Variants in SPPL3 observed in about 807,000 individuals in gnomAD.
SPPL3 encodes signal peptide peptidase-like 3.
SPPL3 carries 5 observed loss-of-function variants against 42.4 expected under a neutral mutation model. The ratio of observed to expected loss-of-function variants is 0.12; its 90% CI spans 0.06 to 0.25. The LOEUF is 0.25. SPPL3 is among the 10% of genes least tolerant of loss of function. The pLI, the probability that SPPL3 is intolerant of heterozygous loss-of-function variation, is 1.00. For missense variants in SPPL3, 235 were observed against 489.0 expected, an observed-to-expected ratio of 0.48 and a Z score of 4.90; for synonymous variants, 195 against 181.8, an observed-to-expected ratio of 1.07 and a Z score of -0.58.
intron 1 of SPPL3, among the ~76,000 whole-genome samples, chr12:120,836,514 C>A (rs1379645542): frequency 5.3e-5 from 8 of 151,926 alleles, no homozygotes; most frequent in Admixed American, 6.6e-5. Context: ...CTGGTAGAGT[C>A]CGGCAGACAC....
intron 1 of SPPL3, among the ~76,000 whole-genome samples, chr12:120,883,091 T>G (rs1192095164): frequency 6.6e-6 from 1 of 151,382 alleles, no homozygotes; most frequent in Non-Finnish European, 1.5e-5. Flanking sequence ...GATCACGAGG[T>G]CAGGAGATCA....
At chr12:120,785,193 C>T (rs531103059) in intron 3 of SPPL3, among the ~76,000 whole-genome samples, 1 of 151,842 alleles carries the variant, frequency 6.6e-6, no homozygotes, top group Admixed American at 6.6e-5. Context: ...GGCTTGGGAC[C>T]AGGAGTTCAA....
chr12:120,871,136 A>C (rs1221903996), intron 1 of SPPL3, among the ~76,000 whole-genome samples: 1 of 149,300 alleles, frequency 6.7e-6, no homozygotes, highest in African/African-American at 2.5e-5. Context: ...TCTCCAAAAA[A>C]AAAAAAAAAA....
At position 120,764,927 on chromosome 12, in the gene SPPL3, C is replaced by G; in HGVS notation, c.*72G>C. 2 of 1,537,228 alleles carry G rather than the reference C, an allele frequency of 1.3e-6. No homozygotes were observed. Among genetic ancestry groups the G allele is most frequent in the Non-Finnish European group, 1.8e-6 (2 of 1,122,152 alleles). On this transcript the variant is annotated 3_prime_UTR_variant, in exon 11 of 11. Coordinates refer to ENST00000353487, the MANE Select transcript of SPPL3 (RefSeq NM_139015.5). ...TACATTTCTGAGTACCAGGCCAGCT[C>G]TAAGAGGAAACAAACCATGAGTTGA...
chr12:120,798,954 C>T (rs923416325), intron 2 of SPPL3, among the ~76,000 whole-genome samples: 17 of 152,070 alleles, frequency 1.1e-4, no homozygotes, highest in Admixed American at 9.2e-4. Flanking sequence ...GAACCCCCCG[C>T]GGGACAGGAT....
At chr12:120,901,873 C>T in intron 1 of SPPL3, 2 of 985,096 alleles carry the variant, frequency 2.0e-6, no homozygotes, top group Non-Finnish European at 2.4e-6. Context: ...GTGTGTCCAA[C>T]CTACCTAGTA....
intron 1 of SPPL3, among the ~76,000 whole-genome samples, chr12:120,863,073 C>A (rs1321085926): frequency 6.6e-6 from 1 of 152,192 alleles, no homozygotes; most frequent in Non-Finnish European, 1.5e-5. Context: ...CTAGGCCAGG[C>A]ATGGTGGCAC....
At chr12:120,807,442 G>A (rs1365234457) in intron 2 of SPPL3, among the ~76,000 whole-genome samples, 4 of 152,112 alleles carry the variant, frequency 2.6e-5, no homozygotes, top group Non-Finnish European at 5.9e-5. Context: ...TTGGGAGGCC[G>A]AGGCGGGCAG....
In SPPL3 at chr12:120,764,187, C is replaced by T. The variant is rs1316484231; in HGVS notation, c.*812G>A. Reference sequence around the variant, plus strand: ...CAGTTGTGAAGGGGAAGGACAGCAGCTTATCCATATACAAGGAAGCCACAG... The same window carrying T: ...CAGTTGTGAAGGGGAAGGACAGCAGTTTATCCATATACAAGGAAGCCACAG... On this transcript the variant is annotated 3_prime_UTR_variant, in exon 11 of 11. Transcript: ENST00000353487. 2.6e-5 allele frequency: 4 copies of T among 152,316 alleles called. No individual in the cohort carries two copies. The highest frequency in any genetic ancestry group is 5.9e-5 in the Non-Finnish European group (4 of 68,036). 9.4% of individuals were successfully genotyped at this position (152,316 alleles called of 1,614,324 possible).
intron 1 of SPPL3, among the ~76,000 whole-genome samples, chr12:120,878,725 A>G (rs1820029423): frequency 6.6e-6 from 1 of 152,150 alleles, no homozygotes; most frequent in African/African-American, 2.4e-5. Context: ...TTTTTTCTTA[A>G]ATTATCTATG....
intron 1 of SPPL3, among the ~76,000 whole-genome samples, chr12:120,862,620 G>C (rs1872643915): frequency 6.6e-6 from 1 of 152,200 alleles, no homozygotes; most frequent in South Asian, 2.1e-4. Flanking sequence ...GGAATGGAGG[G>C]CTGAGAGGAG....
intron 2 of SPPL3, among the ~76,000 whole-genome samples, chr12:120,809,351 A>C (rs941859509): frequency 6.6e-6 from 1 of 151,912 alleles, no homozygotes; most frequent in Non-Finnish European, 1.5e-5. Flanking sequence ...TCTCAAAAAA[A>C]AAAACACCAA....
intron 1 of SPPL3, among the ~76,000 whole-genome samples, chr12:120,852,886 ATTTC>A (rs1296858818): frequency 7.1e-4 from 20 of 28,234 alleles, no homozygotes; most frequent in Non-Finnish European, 4.4e-3. Context: ...TATCATATAT[ATTTC>A]ATATATATAT....
At chr12:120,805,371 G>T (rs1180510532) in intron 2 of SPPL3, among the ~76,000 whole-genome samples, 1 of 152,124 alleles carries the variant, frequency 6.6e-6, no homozygotes, top group Non-Finnish European at 1.5e-5. Context: ...AGAAATAAGA[G>T]AAATTTCTTC....
At chr12:120,798,860 G>A (rs1033914938) in intron 2 of SPPL3, among the ~76,000 whole-genome samples, 2 of 152,162 alleles carry the variant, frequency 1.3e-5, no homozygotes, top group Non-Finnish European at 2.9e-5. Context: ...TTGGAAGGTT[G>A]CCAGTCATCT....
At chr12:120,775,790 A>G (rs1747782263) in intron 6 of SPPL3, among the ~76,000 whole-genome samples, 1 of 152,250 alleles carries the variant, frequency 6.6e-6, no homozygotes, top group Non-Finnish European at 1.5e-5. Context: ...GAAAATCCCG[A>G]AGTCCATTCT....
intron 2 of SPPL3, among the ~76,000 whole-genome samples, chr12:120,798,894 C>T (rs763132176): frequency 2.0e-5 from 3 of 152,170 alleles, no homozygotes; most frequent in African/African-American, 4.8e-5. Context: ...CTAGGCACAG[C>T]TGCTACGGAG....
At chr12:120,887,724 C>T (rs1297154528) in intron 1 of SPPL3, among the ~76,000 whole-genome samples, 1 of 152,184 alleles carries the variant, frequency 6.6e-6, no homozygotes, top group Non-Finnish European at 1.5e-5. Flanking sequence ...CTTCTAAAAA[C>T]AATCAGACCT....
intron 1 of SPPL3, among the ~76,000 whole-genome samples, chr12:120,889,203 G>C (rs1463946769): frequency 2.0e-5 from 3 of 152,184 alleles, no homozygotes. Context: ...TATGAAATGT[G>C]CCTATATGAA....
Sources: gnomAD v4.1 joint callset for allele counts (sites outside exome capture counted in the v4.1 genomes callset) on GRCh38, gnomAD v4.1.1 for gene constraint, MANE v1.5 for transcripts, NCBI Gene and HGNC (gene_info 2026-07-23, HGNC 2026-07-21) for gene names.